Variants in ORC5 observed in about 807,000 individuals in gnomAD.
ORC5 encodes the protein origin recognition complex subunit 5, also known as protein phosphatase 1, regulatory subunit 117.
A neutral mutation model predicts 58.8 loss-of-function variants in ORC5; 39 were observed. That is an observed-to-expected ratio of 0.66 (90% confidence interval 0.51 to 0.87). The LOEUF (loss-of-function observed/expected upper bound fraction) is 0.87. Ranked by LOEUF, ORC5 falls within the 40% of genes least tolerant of loss-of-function variation. The probability of loss-of-function intolerance (pLI) is 0.00; values close to 1 mark genes in which losing one functional copy is unlikely to be tolerated. For synonymous variants in ORC5, 218 were observed against 177.6 expected (o/e 1.23, Z -1.81); for missense variants, 493 against 506.3 (o/e 0.97, Z 0.25).
At chr7:104,145,224 T>C (rs773357388) in intron 12 of ORC5, among the ~76,000 whole-genome samples, 1 of 152,210 alleles carries the variant, frequency 6.6e-6, no homozygotes, top group African/African-American at 2.4e-5. Flanking sequence ...CATAGTCTTC[T>C]ATGGCTAAGT....
rs2116053382 is a variant in ORC5 at position 104,195,348 on chromosome 7, C to G, written c.442-94G>C. 4.9e-6 allele frequency: 3 copies of G among 615,230 alleles called. No homozygotes were observed. The East Asian group carries it at 9.5e-5, about 19-fold the overall frequency. 38.1% of individuals were successfully genotyped at this position (615,230 alleles called of 1,614,324 possible). The stretch of plus-strand genomic sequence containing the variant: ...GATTTTTCTTTCAAATACATCCCCC[C>G]AGAGTTCTAACCTATAACAAATTAT... On this transcript the variant is annotated intron_variant, in intron 4 of 13. Coordinates refer to ENST00000297431, the MANE Select transcript of ORC5 (RefSeq NM_002553.4).
intron 9 of ORC5, 162 bp downstream of exon 9, chr7:104,168,311 G>A: frequency 8.2e-7 from 1 of 1,216,198 alleles, no homozygotes; most frequent in Non-Finnish European, 1.1e-6. Flanking sequence ...TAGAGCTTCA[G>A]TTAAAGAAAA....
intron 3 of ORC5, among the ~76,000 whole-genome samples, chr7:104,199,559 T>C (rs1005225605): frequency 2.6e-5 from 4 of 152,262 alleles, no homozygotes; most frequent in South Asian, 2.1e-4. Context: ...TACAGCCCCT[T>C]TGTTTGGGCC....
rs1346268483 is a variant in ORC5, at chr7:104,133,584, G to T, written c.1262+3197C>A. Among the ~76,000 whole-genome samples the T allele has an allele frequency of 6.6e-6, 1 of 152,108 alleles. No homozygotes were observed. The highest frequency in any genetic ancestry group is 6.5e-5 in the Admixed American group (1 of 15,274). ...ATATAGCTGGGAAACAGCAATAAAG[G>T]TCAAGAATATTATAAAAAATAGGTC... On this transcript the variant is annotated intron_variant, in intron 13 of 13. Coordinates refer to ENST00000297431, the MANE Select transcript of ORC5 (RefSeq NM_002553.4). This position sits in a 1 kb window ranked among gnomAD's most constrained non-coding sequence, Gnocchi z 4.7.
chr7:104,158,392 A>T (rs920150449), intron 12 of ORC5, among the ~76,000 whole-genome samples: 2 of 152,266 alleles, frequency 1.3e-5, no homozygotes, highest in South Asian at 2.1e-4. Flanking sequence ...AACCTAGGCA[A>T]TACCATTCAG....
At chr7:104,154,423 T>G (rs1798891979) in intron 12 of ORC5, among the ~76,000 whole-genome samples, 1 of 152,042 alleles carries the variant, frequency 6.6e-6, no homozygotes, top group African/African-American at 2.4e-5. Context: ...CTTTAAGTAC[T>G]TATTAGTATT....
At chr7:104,189,854 C>G (rs10234499) in intron 5 of ORC5, among the ~76,000 whole-genome samples, 15,373 of 152,120 alleles carry the variant, frequency 0.1, 2,575 homozygotes, top group African/African-American at 0.35. Context: ...TGAGGAGGGG[C>G]TCATGTGAAA....
At chr7:104,193,449 T>C (rs967264393) in intron 5 of ORC5, among the ~76,000 whole-genome samples, 6 of 151,940 alleles carry the variant, frequency 3.9e-5, no homozygotes, top group African/African-American at 9.7e-5. Flanking sequence ...AGAAAAAATA[T>C]CCATCATTGA....
chr7:104,142,255 C>T (rs1214026492), intron 12 of ORC5, among the ~76,000 whole-genome samples: 2 of 152,064 alleles, frequency 1.3e-5, no homozygotes, highest in Non-Finnish European at 2.9e-5. Flanking sequence ...GGACTAACGA[C>T]TTAAATGTAA....
rs145219910 is a variant in ORC5, at chr7:104,181,532, T to A, written c.824+2411A>T. ...CGGGTGTGGTGGCTCACGCCTGTAA[T>A]CCCAGCACTTTGGGAGGCCAAGGCA... On this transcript the variant is annotated intron_variant, in intron 8 of 13. Coordinates refer to ENST00000297431, the MANE Select transcript of ORC5 (RefSeq NM_002553.4). Among the ~76,000 whole-genome samples, 960 of 152,206 alleles carry A rather than the reference T, an allele frequency of 6.3e-3. 14 individuals are homozygous for A. The highest frequency in any genetic ancestry group is 0.022 in the African/African-American group (917 of 41,518).
intron 9 of ORC5, among the ~76,000 whole-genome samples, chr7:104,167,679 C>A (rs542875007): frequency 6.6e-6 from 1 of 152,308 alleles, no homozygotes; most frequent in South Asian, 2.1e-4. Context: ...ATGTGTCAGA[C>A]ACTGTGTTAG....
chr7:104,195,341 A>T, intron 4 of ORC5, 87 bp from the exon 5 acceptor site: 1 of 650,960 alleles, frequency 1.5e-6, no homozygotes, highest in Non-Finnish European at 2.6e-6. Flanking sequence ...TTTCAAATAC[A>T]TCCCCCCAGA....
chr7:104,199,504 A>C (rs1238687941), intron 3 of ORC5, among the ~76,000 whole-genome samples: 1 of 152,226 alleles, frequency 6.6e-6, no homozygotes. Context: ...TTGGAACTTT[A>C]AAGTTTAATG....
intron 10 of ORC5, chr7:104,165,530 A>T (rs572987134): frequency 1.5e-5 from 5 of 330,670 alleles, no homozygotes; most frequent in African/African-American, 1.1e-4. Flanking sequence ...TAAAATAATG[A>T]CATTTCCTAA....
intron 2 of ORC5, 29 bp downstream of exon 2, chr7:104,204,113 A>G: frequency 1.5e-6 from 2 of 1,297,722 alleles, no homozygotes; most frequent in South Asian, 2.7e-5. Flanking sequence ...TAAAAATGGC[A>G]AAGAAATATT....
At position 104,204,197 on chromosome 7, in the gene ORC5, C is replaced by T; in HGVS notation, c.110G>A (p.Gly37Glu). The change falls in exon 2 of 14, where the codon GGA (glycine) becomes GAA (glutamate). Residue 37 changes from glycine to glutamate, a missense_variant. Physicochemically the swap from Gly to Glu is moderately conservative, Grantham distance 98. Transcript: ENST00000297431. ...HFSFPSIFIY[G>E]HTASGKTYVT... ...ATAGGTCTTTCCACTAGCAGTATGT[C>T]CATAAATAAAAATGGATGGAAAGCT... The T allele has an allele frequency of 6.2e-7, 1 of 1,601,394 alleles. No homozygotes were observed. Among genetic ancestry groups the T allele is most frequent in the Non-Finnish European group, 8.5e-7 (1 of 1,173,638 alleles).
At position 104,185,801 on chromosome 7, in the gene ORC5, T is replaced by A. The variant is rs183409435; in HGVS notation, c.685-1630A>T. Reference sequence around the variant, plus strand: ...ACTAATTCCATTTATTTAAAAAAAATATATATATATTAGTTTGTTCCCAAG... The same window carrying A: ...ACTAATTCCATTTATTTAAAAAAAAAATATATATATTAGTTTGTTCCCAAG... On this transcript the variant is annotated intron_variant, in intron 6 of 13. Coordinates refer to ENST00000297431, the MANE Select transcript of ORC5 (RefSeq NM_002553.4). Among the ~76,000 whole-genome samples the A allele has an allele frequency of 6.1e-3, 921 of 151,296 alleles. 3 individuals carry two copies. Among genetic ancestry groups the A allele is most frequent in the African/African-American group, 7.5e-3 (311 of 41,462 alleles).
intron 12 of ORC5, among the ~76,000 whole-genome samples, chr7:104,137,968 T>A (rs917252731): frequency 2.6e-5 from 4 of 152,114 alleles, no homozygotes; most frequent in Admixed American, 6.5e-5. Flanking sequence ...ATGGCAAAAC[T>A]AAAAGAGCAC....
chr7:104,145,395 ATAAAT>A (rs559264650), intron 12 of ORC5, among the ~76,000 whole-genome samples: 6 of 152,344 alleles, frequency 3.9e-5, no homozygotes, highest in African/African-American at 1.4e-4. Flanking sequence ...TTTGCAGTAA[ATAAAT>A]TAATGACTTA....
Sources: gnomAD v4.1 joint callset for allele counts (sites outside exome capture counted in the v4.1 genomes callset) on GRCh38, gnomAD v4.1.1 for gene constraint, Gnocchi (gnomAD v3.1) non-coding constraint, MANE v1.5 for transcripts, NCBI Gene and HGNC (gene_info 2026-07-23, HGNC 2026-07-21) for gene names.